The following ADGRL2 variants were observed in gnomAD, a reference collection of about 807,000 sequenced individuals.
ADGRL2 encodes adhesion G protein-coupled receptor L2, also known as calcium-independent alpha-latrotoxin receptor 2.
Under a neutral mutation model 157.4 loss-of-function variants are expected in ADGRL2, and 44 were observed. That is an observed-to-expected ratio of 0.28 (90% CI 0.22 to 0.36). The LOEUF (loss-of-function observed/expected upper bound fraction) is 0.36. Ranked by LOEUF, ADGRL2 falls within the 10% of genes least tolerant of loss-of-function variation. The pLI is 1.00. For missense variants in ADGRL2, 1,510 were observed against 1,768.9 expected, an observed-to-expected ratio of 0.85 and a Z score of 2.63; for synonymous variants, 585 against 624.7, an observed-to-expected ratio of 0.94 and a Z score of 0.95.
At chr1:81,430,215 G>A (rs921213239) in intron 1 of ADGRL2, among the ~76,000 whole-genome samples, 2 of 152,174 alleles carry the variant, frequency 1.3e-5, no homozygotes, top group African/African-American at 4.8e-5. Flanking sequence ...TTGTAATGGG[G>A]GAAATAGGCA....
intron 3 of ADGRL2, among the ~76,000 whole-genome samples, chr1:81,587,530 A>G (rs1228551154): frequency 1.3e-5 from 2 of 152,128 alleles, no homozygotes; most frequent in Non-Finnish European, 2.9e-5. Context: ...TGACTATAGC[A>G]TATGGTATAC....
intron 2 of ADGRL2, chr1:81,579,476 A>G (rs777656780): frequency 1.2e-4 from 18 of 152,168 alleles, no homozygotes; most frequent in Non-Finnish European, 2.2e-4. Context: ...AATAATAATG[A>G]AGATCTTCAA....
At position 81,565,744 on chromosome 1, in the gene ADGRL2, G is replaced by A. The variant is rs144166445; in HGVS notation, c.-247-15132G>A. Reference sequence around the variant, plus strand: ...TGTAGGCCCCTGATGGACCAGAAAAGCACATTAGCCTTTCTTCTTTAGTGG... The same window carrying A: ...TGTAGGCCCCTGATGGACCAGAAAAACACATTAGCCTTTCTTCTTTAGTGG... On this transcript the variant is annotated intron_variant, in intron 2 of 24. Transcript: ENST00000370721. 3.1e-3 allele frequency among the ~76,000 whole-genome samples: 471 copies of A among 152,254 alleles called. 3 individuals carry two copies. Among genetic ancestry groups the A allele is most frequent in the African/African-American group, 0.011 (439 of 41,562 alleles).
intron 1 of ADGRL2, among the ~76,000 whole-genome samples, chr1:81,380,302 A>G (rs1353592725): frequency 2.0e-5 from 3 of 152,214 alleles, no homozygotes; most frequent in Non-Finnish European, 4.4e-5. Context: ...GCTTTTTAAA[A>G]TCACGGAGTT....
At chr1:81,644,861 C>G (rs1312085013) in intron 3 of ADGRL2, among the ~76,000 whole-genome samples, 1 of 152,086 alleles carries the variant, frequency 6.6e-6, no homozygotes, top group Admixed American at 6.5e-5. Flanking sequence ...TGAACCTAAA[C>G]CTGCTCTAAA....
upstream of ADGRL2, among the ~76,000 whole-genome samples, chr1:81,796,569 G>A (rs185406874): frequency 2.3e-4 from 35 of 152,142 alleles, no homozygotes; most frequent in Non-Finnish European, 4.1e-4. Context: ...GAAGAATATC[G>A]TTTTAAATTT....
intron 1 of ADGRL2, among the ~76,000 whole-genome samples, chr1:81,754,750 A>G (rs974056731): frequency 4.9e-5 from 7 of 142,068 alleles, no homozygotes; most frequent in Admixed American, 1.5e-4. Flanking sequence ...AACACAGTGT[A>G]GTAGGTTCAA....
intron 1 of ADGRL2, among the ~76,000 whole-genome samples, chr1:81,748,513 A>G (rs2085384790): frequency 6.6e-6 from 1 of 151,252 alleles, no homozygotes; most frequent in South Asian, 2.1e-4. Context: ...AAAAGAAAAC[A>G]GTAGAAGAGT....
At chr1:81,561,864 G>T (rs549925170) in intron 2 of ADGRL2, among the ~76,000 whole-genome samples, 1 of 152,184 alleles carries the variant, frequency 6.6e-6, no homozygotes, top group East Asian at 1.9e-4. Flanking sequence ...AATGAGCAAA[G>T]AACAAACATA....
At chr1:81,431,179 C>T (rs1015811104) in intron 1 of ADGRL2, among the ~76,000 whole-genome samples, 7 of 152,056 alleles carry the variant, frequency 4.6e-5, no homozygotes, top group Non-Finnish European at 5.9e-5. Flanking sequence ...AAGGGATATC[C>T]GTGTTTGCTT....
intron 21 of ADGRL2, 133 bp from the exon 22 acceptor site, chr1:81,986,768 C>A: frequency 3.7e-6 from 3 of 810,254 alleles, no homozygotes; most frequent in Non-Finnish European, 5.8e-6. Context: ...AACATTTCAA[C>A]AGATTTTCCA....
chr1:81,418,308 TATA>T (rs1182540630), intron 1 of ADGRL2, among the ~76,000 whole-genome samples: 4 of 152,232 alleles, frequency 2.6e-5, no homozygotes, highest in Non-Finnish European at 5.9e-5. Flanking sequence ...TGGAAATCAT[TATA>T]ATAAAATTTT....
chr1:81,393,535 T>G (rs2076597730), intron 1 of ADGRL2, among the ~76,000 whole-genome samples: 1 of 152,162 alleles, frequency 6.6e-6, no homozygotes, highest in Admixed American at 6.6e-5. Context: ...AAAATAAGAT[T>G]CTACAAACTT....
chr1:81,386,710 A>G (rs1475922330), intron 1 of ADGRL2, among the ~76,000 whole-genome samples: 1 of 152,206 alleles, frequency 6.6e-6, no homozygotes, highest in Admixed American at 6.5e-5. Context: ...CATTGAATTA[A>G]TGGTCATTAT....
At chr1:81,556,892 A>G (rs2080292765) in intron 2 of ADGRL2, among the ~76,000 whole-genome samples, 1 of 152,056 alleles carries the variant, frequency 6.6e-6, no homozygotes, top group African/African-American at 2.4e-5. Flanking sequence ...CCTGACCGAC[A>G]TGGTGAAACC....
At chr1:81,885,542 A>C (rs999002702) in intron 2 of ADGRL2, among the ~76,000 whole-genome samples, 2 of 152,202 alleles carry the variant, frequency 1.3e-5, no homozygotes, top group African/African-American at 4.8e-5. Flanking sequence ...AAAGGCCTTT[A>C]ATTCAGCATT....
chr1:81,494,971 G>C (rs771205994), intron 2 of ADGRL2, among the ~76,000 whole-genome samples: 1 of 152,068 alleles, frequency 6.6e-6, no homozygotes, highest in Non-Finnish European at 1.5e-5. Flanking sequence ...TTGTGACACA[G>C]ATAGATAACT....
At chr1:81,402,276 G>A (rs1166777202) in intron 1 of ADGRL2, among the ~76,000 whole-genome samples, 1 of 152,090 alleles carries the variant, frequency 6.6e-6, no homozygotes, top group African/African-American at 2.4e-5. Context: ...AGGTCAGGAG[G>A]GAATATGCCA....
intron 3 of ADGRL2, among the ~76,000 whole-genome samples, chr1:81,930,026 C>A (rs1460409088): frequency 1.3e-5 from 2 of 152,084 alleles, no homozygotes; most frequent in African/African-American, 4.8e-5. Flanking sequence ...AACTTACACA[C>A]CAATTTTTTT....
Sources: allele counts gnomAD v4.1 joint callset (sites outside exome capture counted in the v4.1 genomes callset), GRCh38; gene constraint gnomAD v4.1.1; transcripts MANE v1.5; gene names NCBI Gene and HGNC (gene_info 2026-07-23, HGNC 2026-07-21).